Variants in GPHN observed in about 807,000 individuals in gnomAD.
GPHN encodes gephyrin.
In GPHN, 17 loss-of-function variants were observed where a neutral mutation model predicts 95.5. The observed-to-expected ratio is 0.18, with a 90% CI of 0.12 to 0.27. The LOEUF is 0.27. GPHN is among the 10% of genes least tolerant of loss of function. GPHN has a pLI of 1.00. For synonymous variants in GPHN, 320 were observed against 322.5 expected, an observed-to-expected ratio of 0.99 and a Z score of 0.08; for missense variants, 660 against 978.1, an observed-to-expected ratio of 0.67 and a Z score of 4.34.
chr14:66,779,247 G>A (rs1179637902), intron 3 of GPHN, among the ~76,000 whole-genome samples: 1 of 152,008 alleles, frequency 6.6e-6, no homozygotes, highest in African/African-American at 2.4e-5. Flanking sequence ...GTGTGAACTT[G>A]TAAAATATTT....
intron 18 of GPHN, among the ~76,000 whole-genome samples, chr14:67,156,554 A>G (rs2081597670): frequency 6.6e-6 from 1 of 152,190 alleles, no homozygotes. Flanking sequence ...AAGCTAATAG[A>G]GGGGAAAGAA....
chr14:66,753,803 G>A (rs2058459184), intron 2 of GPHN, among the ~76,000 whole-genome samples: 1 of 152,034 alleles, frequency 6.6e-6, no homozygotes, highest in Non-Finnish European at 1.5e-5. Context: ...TCACCACAAT[G>A]TAATTTCAAA....
At chr14:67,616,112 T>G in the GPHN span, 2 of 275,674 alleles carry the variant, frequency 7.3e-6, no homozygotes, top group East Asian at 1.8e-4. Flanking sequence ...GAGTGCAGTT[T>G]TTTTTCTTGT....
intron 1 of GPHN, among the ~76,000 whole-genome samples, chr14:66,516,340 A>T (rs1444551666): frequency 1.3e-5 from 2 of 151,952 alleles, no homozygotes; most frequent in African/African-American, 4.8e-5. Flanking sequence ...TCTACATTCT[A>T]TTCTGAATAT....
the GPHN span, chr14:67,503,405 TG>T: frequency 6.6e-6 from 1 of 152,196 alleles, no homozygotes; most frequent in Non-Finnish European, 1.5e-5. Flanking sequence ...AAGGATTTCC[TG>T]GGGGCGCTGG....
chr14:67,575,560 C>A, the GPHN span: 1 of 823,676 alleles, frequency 1.2e-6, no homozygotes, highest in South Asian at 1.4e-5. Flanking sequence ...AAGTCCCTAC[C>A]CCACGTAACC....
intron 5 of GPHN, among the ~76,000 whole-genome samples, chr14:66,907,229 T>A (rs2153552963): frequency 6.6e-6 from 1 of 152,280 alleles, no homozygotes; most frequent in South Asian, 2.1e-4. Flanking sequence ...ATCCATACAA[T>A]GGACTCTTAT....
chr14:67,313,773 T>C, the GPHN span, among the ~76,000 whole-genome samples: 5 of 152,280 alleles, frequency 3.3e-5, no homozygotes, highest in South Asian at 2.1e-4. Context: ...TTAACACTTA[T>C]GTATATTTTT....
intron 1 of GPHN, among the ~76,000 whole-genome samples, chr14:66,519,079 A>G (rs932078353): frequency 1.3e-5 from 2 of 152,198 alleles, no homozygotes; most frequent in South Asian, 4.1e-4. Context: ...AGACATCACT[A>G]TGTATCTCAT....
chr14:66,774,547 T>C (rs967486055), intron 2 of GPHN, among the ~76,000 whole-genome samples: 4 of 152,234 alleles, frequency 2.6e-5, no homozygotes, highest in African/African-American at 9.6e-5. Flanking sequence ...TTTTATAATA[T>C]AATTTAGCAT....
At chr14:67,472,726 A>G in the GPHN span, 1 of 152,750 alleles carries the variant, frequency 6.5e-6, no homozygotes, top group Non-Finnish European at 1.5e-5. Flanking sequence ...CTTTGAAAAC[A>G]AGACAGAAAA....
intron 5 of GPHN, among the ~76,000 whole-genome samples, chr14:66,894,081 T>A (rs1473409447): frequency 6.6e-6 from 1 of 152,094 alleles, no homozygotes; most frequent in Non-Finnish European, 1.5e-5. Context: ...AATCCTAAGC[T>A]GGAGGCCTCA....
intron 12 of GPHN, among the ~76,000 whole-genome samples, chr14:67,097,761 T>C (rs1468298985): frequency 1.3e-5 from 2 of 152,182 alleles, no homozygotes; most frequent in African/African-American, 2.4e-5. Flanking sequence ...ATTTGATTAA[T>C]ATCTGCCTCT....
At chr14:66,904,045 A>G (rs911310918) in intron 5 of GPHN, among the ~76,000 whole-genome samples, 3 of 152,098 alleles carry the variant, frequency 2.0e-5, no homozygotes, top group Non-Finnish European at 4.4e-5. Flanking sequence ...TGTTTGTGAT[A>G]TATTTATCTA....
chr14:67,725,424 G>C, the GPHN span, among the ~76,000 whole-genome samples: 1 of 152,248 alleles, frequency 6.6e-6, no homozygotes, highest in African/African-American at 2.4e-5. Context: ...TGGGTAGATA[G>C]ACTGGGCAGG....
chr14:67,235,708 C>T, the GPHN span, among the ~76,000 whole-genome samples: 9 of 151,588 alleles, frequency 5.9e-5, no homozygotes, highest in South Asian at 1.9e-3. Context: ...GAGTGAGACT[C>T]CATCTCAAAA....
the GPHN span, among the ~76,000 whole-genome samples, chr14:67,623,230 T>G: frequency 6.6e-6 from 1 of 152,166 alleles, no homozygotes; most frequent in African/African-American, 2.4e-5. Flanking sequence ...CTGGAATATA[T>G]TGGAGAAAAG....
intron 18 of GPHN, among the ~76,000 whole-genome samples, chr14:67,149,312 C>G (rs1453417892): frequency 6.6e-6 from 1 of 152,196 alleles, no homozygotes; most frequent in Non-Finnish European, 1.5e-5. Context: ...CCATTGCACT[C>G]TAGCCTAGGC....
the GPHN span, among the ~76,000 whole-genome samples, chr14:67,197,804 C>A: frequency 6.6e-6 from 1 of 152,158 alleles, no homozygotes; most frequent in African/African-American, 2.4e-5. Flanking sequence ...AGAAGCCTTT[C>A]CTGCTACCCT....
Sources: gnomAD v4.1 joint callset for allele counts (sites outside exome capture counted in the v4.1 genomes callset) on GRCh38, gnomAD v4.1.1 for gene constraint, MANE v1.5 for transcripts, NCBI Gene and HGNC (gene_info 2026-07-23, HGNC 2026-07-21) for gene names.